Variants in TASP1 observed in about 807,000 individuals in gnomAD.
TASP1 encodes the protein threonine aspartase 1.
Under a neutral mutation model 56.6 loss-of-function variants are expected in TASP1, and 16 were observed. That is an observed-to-expected ratio of 0.28 (90% CI 0.19 to 0.43). The LOEUF (loss-of-function observed/expected upper bound fraction) is 0.43. Among genes scored for constraint, TASP1 ranks in the 20% least tolerant of loss-of-function variants. TASP1 has a pLI of 1.00. For synonymous variants in TASP1, 179 were observed against 184.2 expected (o/e 0.97, Z 0.23); for missense variants, 393 against 511.6 (o/e 0.77, Z 2.24).
chr20:13,360,256 C>T, the TASP1 span, among the ~76,000 whole-genome samples: 3 of 150,760 alleles, frequency 2.0e-5, no homozygotes, highest in Non-Finnish European at 4.4e-5. Flanking sequence ...TTCGCTTTCA[C>T]TTGGACTGAC....
the TASP1 span, among the ~76,000 whole-genome samples, chr20:13,122,507 G>A: frequency 6.6e-6 from 1 of 152,148 alleles, no homozygotes; most frequent in Non-Finnish European, 1.5e-5. Flanking sequence ...CTAAGGGTGG[G>A]GCTCCAGAGC....
At chr20:13,392,917 C>G in intron 13 of TASP1, 1 of 637,086 alleles carries the variant, frequency 1.6e-6, no homozygotes, top group Non-Finnish European at 3.0e-6. Flanking sequence ...GGAGTGAGAT[C>G]CCACCAAAAT....
chr20:13,419,294 G>A (rs1384967071), intron 12 of TASP1, among the ~76,000 whole-genome samples: 2 of 152,124 alleles, frequency 1.3e-5, no homozygotes, highest in Non-Finnish European at 2.9e-5. Flanking sequence ...ATGCTCGTGT[G>A]CATGTAGAGG....
chr20:13,163,127 G>A, the TASP1 span, among the ~76,000 whole-genome samples: 1 of 152,214 alleles, frequency 6.6e-6, no homozygotes, highest in Non-Finnish European at 1.5e-5. Context: ...CAGCACTTTG[G>A]GAGGTTGAGG....
chr20:13,250,345 G>C, the TASP1 span, among the ~76,000 whole-genome samples: 3 of 152,160 alleles, frequency 2.0e-5, no homozygotes, highest in Non-Finnish European at 4.4e-5. Flanking sequence ...CTTTGATAAG[G>C]CTCAGAGTCG....
Position 13,551,906 on chromosome 20 carries a change from G to C in TASP1, c.675+7102C>G, listed in dbSNP as rs1347750831. 2.0e-5 allele frequency among the ~76,000 whole-genome samples: 3 copies of C among 152,114 alleles called. No homozygotes were observed. In the East Asian group the frequency reaches 5.8e-4, roughly 29 times the overall value. Reference sequence around the variant, plus strand: ...ACTTACTGATAAGTATTCCAACAATGAGAGGCCATGGCAATTTTGTAAGGG... The same window carrying C: ...ACTTACTGATAAGTATTCCAACAATCAGAGGCCATGGCAATTTTGTAAGGG... On this transcript the variant is annotated intron_variant, in intron 8 of 13. Coordinates refer to ENST00000337743, the MANE Select transcript of TASP1 (RefSeq NM_017714.3).
the TASP1 span, chr20:13,167,742 G>A: frequency 6.6e-6 from 1 of 152,112 alleles, no homozygotes; most frequent in Non-Finnish European, 1.5e-5. Context: ...AATTTACTAG[G>A]AAGCTGGCTA....
At chr20:13,375,648 G>A in the TASP1 span, among the ~76,000 whole-genome samples, 32 of 152,254 alleles carry the variant, frequency 2.1e-4, no homozygotes, top group African/African-American at 7.5e-4. Flanking sequence ...AGATCCTTGA[G>A]GAATCACCAC....
chr20:13,154,680 T>A, the TASP1 span, among the ~76,000 whole-genome samples: 1 of 152,150 alleles, frequency 6.6e-6, no homozygotes. Context: ...GAGGCTCACA[T>A]TGAAGCTCAT....
chr20:13,332,231 A>G, the TASP1 span, among the ~76,000 whole-genome samples: 2 of 152,148 alleles, frequency 1.3e-5, no homozygotes, highest in Admixed American at 6.5e-5. Context: ...TGGGCCAACT[A>G]TGTATGTTGT....
the TASP1 span, among the ~76,000 whole-genome samples, chr20:13,373,631 TG>T: frequency 6.6e-6 from 1 of 152,120 alleles, no homozygotes; most frequent in African/African-American, 2.4e-5. Context: ...TTCATTTTAT[TG>T]GGGTTCCCTT....
At chr20:13,197,520 C>A in the TASP1 span, among the ~76,000 whole-genome samples, 1 of 152,184 alleles carries the variant, frequency 6.6e-6, no homozygotes, top group Admixed American at 6.5e-5. Flanking sequence ...TAGCTAACAA[C>A]CCCATTAAGA....
the TASP1 span, among the ~76,000 whole-genome samples, chr20:13,356,021 G>C: frequency 6.6e-6 from 1 of 152,176 alleles, no homozygotes; most frequent in East Asian, 1.9e-4. Context: ...ACAGTCATCT[G>C]CTATTACACT....
At chr20:13,584,070 C>T (rs1470287451) in intron 5 of TASP1, among the ~76,000 whole-genome samples, 2 of 152,098 alleles carry the variant, frequency 1.3e-5, no homozygotes, top group Non-Finnish European at 2.9e-5. Flanking sequence ...ACACCCAGAG[C>T]TAGACTCCAT....
the TASP1 span, among the ~76,000 whole-genome samples, chr20:13,188,006 G>A: frequency 6.6e-6 from 1 of 152,210 alleles, no homozygotes; most frequent in African/African-American, 2.4e-5. Context: ...TGTTAATAGG[G>A]TTAAGGTCCT....
chr20:13,124,548 A>G, the TASP1 span, among the ~76,000 whole-genome samples: 1 of 152,296 alleles, frequency 6.6e-6, no homozygotes, highest in African/African-American at 2.4e-5. Flanking sequence ...AGATGGAAAA[A>G]GGAAGTCATA....
the TASP1 span, among the ~76,000 whole-genome samples, chr20:13,201,819 T>G: frequency 4.6e-5 from 7 of 151,342 alleles, no homozygotes; most frequent in Non-Finnish European, 1.0e-4. Flanking sequence ...AGTGGTGCCA[T>G]CTCGGCTCAC....
At chr20:13,327,574 A>G in the TASP1 span, among the ~76,000 whole-genome samples, 1 of 152,212 alleles carries the variant, frequency 6.6e-6, no homozygotes, top group African/African-American at 2.4e-5. Flanking sequence ...AGGTCACAGT[A>G]ACCAAAACAG....
At position 13,609,125 on chromosome 20, in the gene TASP1, A is replaced by C. The variant is rs540761534; in HGVS notation, c.282+14321T>G. Reference sequence around the variant, plus strand: ...AAAATCAATTTGAAAATGGGCAAAAAACTTGAACAGACTCAAATAAACATT... The same window carrying C: ...AAAATCAATTTGAAAATGGGCAAAACACTTGAACAGACTCAAATAAACATT... On this transcript the variant is annotated intron_variant, in intron 4 of 13. Coordinates refer to ENST00000337743, the MANE Select transcript of TASP1 (RefSeq NM_017714.3). 2.6e-5 allele frequency among the ~76,000 whole-genome samples: 4 copies of C among 152,330 alleles called. No individual in the cohort carries two copies. In the South Asian group the frequency reaches 8.3e-4, roughly 32 times the overall value.
Sources: gnomAD v4.1 joint callset for allele counts (sites outside exome capture counted in the v4.1 genomes callset) on GRCh38, gnomAD v4.1.1 for gene constraint, MANE v1.5 for transcripts, NCBI Gene and HGNC (gene_info 2026-07-23, HGNC 2026-07-21) for gene names.